STX16: variants seen among roughly 807,000 people sequenced by gnomAD.
STX16 encodes syntaxin 16.
A neutral mutation model predicts 42.7 loss-of-function variants in STX16; 28 were observed. The ratio of observed to expected loss-of-function variants is 0.66; its 90% CI spans 0.49 to 0.90. The LOEUF (loss-of-function observed/expected upper bound fraction) is 0.90. Ranked by LOEUF, STX16 falls within the 40% of genes least tolerant of loss-of-function variation. The pLI is 0.00. For missense variants in STX16, 361 were observed against 420.9 expected (o/e 0.86, Z 1.24); for synonymous variants, 156 against 155.2 (o/e 1.00, Z -0.04).
chr20:58,654,494 G>A (rs760561865), intron 1 of STX16, among the ~76,000 whole-genome samples: 1 of 152,084 alleles, frequency 6.6e-6, no homozygotes, highest in East Asian at 1.9e-4. Context: ...ACTAAATAGA[G>A]GTTATGATTT....
At chr20:58,672,632 C>G (rs1214418281) in intron 7 of STX16, among the ~76,000 whole-genome samples, 4 of 151,986 alleles carry the variant, frequency 2.6e-5, no homozygotes, top group Non-Finnish European at 5.9e-5. Context: ...ATTAATAAAT[C>G]TTTTTTTGAT....
chr20:58,673,856 A>G, intron 8 of STX16, 145 bp downstream of exon 8: 1 of 575,346 alleles, frequency 1.7e-6, no homozygotes, highest in Non-Finnish European at 3.0e-6. Context: ...GGGATTCATC[A>G]TTTCATTTAA....
chr20:58,655,198 T>TTA (rs982154931), intron 1 of STX16, among the ~76,000 whole-genome samples: 3 of 150,452 alleles, frequency 2.0e-5, no homozygotes, highest in Admixed American at 1.3e-4. Flanking sequence ...ACAGACTTTT[T>TTA]AAAAAAAAAA....
Position 58,667,495 on chromosome 20 carries a change from T to C in STX16, c.150T>C (p.Ala50=), listed in dbSNP as rs775594482. The C allele has an allele frequency of 2.2e-5, 35 of 1,613,954 alleles. No individual in the cohort carries two copies. Among genetic ancestry groups the C allele is most frequent in the Non-Finnish European group, 2.0e-5 (24 of 1,180,002 alleles). Residue 50 remains alanine (A), a synonymous_variant, in exon 3 of 9, where the codon GCT becomes GCC. Transcript: ENST00000371141. Reference sequence around the variant, plus strand: ...GTCCCTTTACTTTCCTGTAGCTTGCTGATGACCGTATGGCACTGGTGTCAG... The same window carrying C: ...GTCCCTTTACTTTCCTGTAGCTTGCCGATGACCGTATGGCACTGGTGTCAG... The part of the protein sequence containing the change: ...RSIAAELDEL[A]DDRMALVSGI...
chr20:58,668,399 T>C (rs1269321887), intron 4 of STX16, among the ~76,000 whole-genome samples: 27 of 152,264 alleles, frequency 1.8e-4, no homozygotes, highest in Non-Finnish European at 2.9e-4. Flanking sequence ...TTCAATCATT[T>C]GATTTTAAAA....
At chr20:58,654,485 CTAAA>C (rs1330489769) in intron 1 of STX16, among the ~76,000 whole-genome samples, 2 of 152,110 alleles carry the variant, frequency 1.3e-5, no homozygotes, top group African/African-American at 4.8e-5. Context: ...GCTAACAAGA[CTAAA>C]TAGAGGTTAT....
chr20:58,678,357 C>G lies in STX16; in HGVS notation c.*2066C>G, dbSNP rs535337449. ...GTAAAATAACGGATCTGATTAGAAACTGTTTTAAGGAGGGGCTGGGCTCGG... is the reference window on the plus strand; with the variant it reads ...GTAAAATAACGGATCTGATTAGAAAGTGTTTTAAGGAGGGGCTGGGCTCGG... On this transcript the variant is annotated 3_prime_UTR_variant, in exon 9 of 9. Coordinates refer to ENST00000371141, the MANE Select transcript of STX16 (RefSeq NM_001001433.3). 6.6e-6 allele frequency: 1 copy of G among 151,980 alleles called. No individual in the cohort carries two copies. Among genetic ancestry groups the G allele is most frequent in the Admixed American group, 6.6e-5 (1 of 15,258 alleles). 9.4% of individuals were successfully genotyped at this position (151,980 alleles called of 1,614,324 possible).
chr20:58,652,378 C>CG (rs1555838373), intron 1 of STX16: 100 of 587,654 alleles, frequency 1.7e-4, no homozygotes, highest in Middle Eastern at 9.1e-4. Flanking sequence ...AGCACCCCCC[C>CG]CCCCGCACCC....
At position 58,678,809 on chromosome 20, in the gene STX16, AAG is replaced by A. The variant is rs1449541189; in HGVS notation, c.*2522_*2523del. 6.6e-6 allele frequency: 1 copy of A among 152,206 alleles called. No homozygotes were observed. Among genetic ancestry groups the A allele is most frequent in the Non-Finnish European group, 1.5e-5 (1 of 68,060 alleles). 9.4% of individuals were successfully genotyped at this position (152,206 alleles called of 1,614,324 possible). On this transcript the variant is annotated 3_prime_UTR_variant, in exon 9 of 9. Transcript: ENST00000371141. ...AGAGATCAGTAGCATTTGAGGAAGT[AAG>A]AGAAAAGAATCATGGTACCTCAGGG...
chr20:58,660,713 C>CTTTTTTT (rs10706096), intron 2 of STX16, among the ~76,000 whole-genome samples: 10 of 70,726 alleles, frequency 1.4e-4, no homozygotes, highest in African/African-American at 5.2e-4. Context: ...ATTCCTGCTC[C>CTTTTTTT]TTTTTTTTTT....
At chr20:58,665,064 T>C (rs779646551) in intron 2 of STX16, among the ~76,000 whole-genome samples, 4 of 152,212 alleles carry the variant, frequency 2.6e-5, no homozygotes, top group Non-Finnish European at 2.9e-5. Flanking sequence ...GCTGGGCCTG[T>C]GGTTTGTCCC....
chr20:58,661,466 T>G (rs218474), intron 2 of STX16, among the ~76,000 whole-genome samples: 150,154 of 152,386 alleles, frequency 0.99, 73,990 homozygotes, highest in East Asian at 1. Flanking sequence ...TCCTCCACGC[T>G]CACCCCAGTG....
At chr20:58,659,583 C>T in intron 1 of STX16, 40 bp from the exon 2 acceptor site, 1 of 1,599,938 alleles carries the variant, frequency 6.3e-7, no homozygotes, top group Non-Finnish European at 8.5e-7. Context: ...TGTGCTTTCC[C>T]CAACTGGATG....
At chr20:58,659,732 T>G in intron 2 of STX16, 98 bp downstream of exon 2, 1 of 1,228,910 alleles carries the variant, frequency 8.1e-7, no homozygotes, top group Non-Finnish European at 1.2e-6. Flanking sequence ...TGCTAACAGC[T>G]TATACATATT....
intron 8 of STX16, 151 bp from the exon 9 acceptor site, chr20:58,676,036 G>A: frequency 1.6e-6 from 1 of 627,426 alleles, no homozygotes; most frequent in South Asian, 2.0e-5. Context: ...GAATTCCGTG[G>A]GATTGATTGG....
At chr20:58,658,174 A>G (rs185578668) in intron 1 of STX16, among the ~76,000 whole-genome samples, 4 of 152,320 alleles carry the variant, frequency 2.6e-5, no homozygotes, top group Admixed American at 1.3e-4. Flanking sequence ...GAGGTTTGCA[A>G]TAGTACATCG....
At chr20:58,659,663 T>A in intron 2 of STX16, 29 bp downstream of exon 2, 1 of 1,611,534 alleles carries the variant, frequency 6.2e-7, no homozygotes, top group Non-Finnish European at 8.5e-7. Context: ...TTTTATATGT[T>A]GGGTAATTTG....
intron 2 of STX16, chr20:58,667,268 A>G (rs2083858516): frequency 1.6e-6 from 1 of 642,664 alleles, no homozygotes; most frequent in Non-Finnish European, 2.9e-6. Flanking sequence ...ATGAAAAGAT[A>G]GGAAAACAAT....
Position 58,676,357 on chromosome 20 carries a change from C to A in STX16, c.*66C>A. 1 of 1,434,016 alleles carries A rather than the reference C, an allele frequency of 7.0e-7. No homozygotes were observed. The highest frequency in any genetic ancestry group is 9.8e-7 in the Non-Finnish European group (1 of 1,017,800). 88.8% of individuals were successfully genotyped at this position (1,434,016 alleles called of 1,614,324 possible). A position where few individuals can be genotyped will look rare whatever the true frequency, so the allele number is the denominator to read the frequency against. On this transcript the variant is annotated 3_prime_UTR_variant, in exon 9 of 9. Coordinates refer to ENST00000371141, the MANE Select transcript of STX16 (RefSeq NM_001001433.3). ...CCGGGTGTGAGGGGCTTGGCCTGCGCCCCGCCAGCTGCCCGCAGAGGTGCA... is the reference window on the plus strand; with the variant it reads ...CCGGGTGTGAGGGGCTTGGCCTGCGACCCGCCAGCTGCCCGCAGAGGTGCA...
Sources: gnomAD v4.1 joint callset for allele counts (sites outside exome capture counted in the v4.1 genomes callset) on GRCh38, gnomAD v4.1.1 for gene constraint, MANE v1.5 for transcripts, NCBI Gene and HGNC (gene_info 2026-07-23, HGNC 2026-07-21) for gene names.